Variants in SNTG2 observed in about 807,000 individuals in gnomAD.
SNTG2 encodes gamma-2-syntrophin.
SNTG2 carries 74 observed loss-of-function variants against 70.9 expected under a neutral mutation model. The ratio of observed to expected loss-of-function variants is 1.04; its 90% CI spans 0.86 to 1.27. SNTG2 has a LOEUF of 1.27. SNTG2 is among the 50% of genes most tolerant of loss of function. The pLI is 0.00. For missense variants in SNTG2, 717 were observed against 690.7 expected, an observed-to-expected ratio of 1.04 and a Z score of -0.43; for synonymous variants, 278 against 273.8, an observed-to-expected ratio of 1.02 and a Z score of -0.15.
At chr2:1,067,688 A>G (rs535598860) in intron 1 of SNTG2, among the ~76,000 whole-genome samples, 8 of 152,282 alleles carry the variant, frequency 5.3e-5, no homozygotes, top group South Asian at 4.1e-4. Flanking sequence ...TATCGAACTC[A>G]AAGAGGTAAA....
At chr2:1,134,352 T>A (rs112790724) in intron 4 of SNTG2, among the ~76,000 whole-genome samples, 106 of 151,994 alleles carry the variant, frequency 7.0e-4, no homozygotes, top group African/African-American at 2.5e-3. Context: ...TAGAGCCGAG[T>A]GGTCTGTTTT....
chr2:1,072,934 G>T (rs528313054), intron 1 of SNTG2, among the ~76,000 whole-genome samples: 3 of 152,312 alleles, frequency 2.0e-5, no homozygotes, highest in East Asian at 1.9e-4. Flanking sequence ...TGCAGATGTG[G>T]TAGAAATAGC....
intron 1 of SNTG2, among the ~76,000 whole-genome samples, chr2:992,896 AT>A (rs1192257413): frequency 6.6e-6 from 1 of 152,052 alleles, no homozygotes; most frequent in Non-Finnish European, 1.5e-5. Flanking sequence ...CTATAGTCCA[AT>A]TTAAGAACTC....
At chr2:1,169,390 G>A (rs1188861596) in intron 7 of SNTG2, among the ~76,000 whole-genome samples, 3 of 152,132 alleles carry the variant, frequency 2.0e-5, no homozygotes, top group Non-Finnish European at 4.4e-5. Context: ...GATGGGTGCT[G>A]CGTCTAAGCC....
intron 12 of SNTG2, among the ~76,000 whole-genome samples, chr2:1,253,183 C>T (rs1302004599): frequency 1.3e-5 from 2 of 152,084 alleles, no homozygotes; most frequent in Non-Finnish European, 2.9e-5. Context: ...CACGTGGGGC[C>T]ATGACTCTCG....
chr2:1,115,877 G>T (rs544199269), intron 4 of SNTG2, among the ~76,000 whole-genome samples: 1 of 152,348 alleles, frequency 6.6e-6, no homozygotes, highest in South Asian at 2.1e-4. Context: ...ACAGGATTTT[G>T]GAAATGAATT....
intron 9 of SNTG2, among the ~76,000 whole-genome samples, chr2:1,220,437 T>A (rs1674677797): frequency 6.6e-6 from 1 of 152,200 alleles, no homozygotes; most frequent in African/African-American, 2.4e-5. Context: ...CCTTTGTGGT[T>A]GGACGGCATG....
At chr2:1,197,068 A>G (rs1210508961) in intron 8 of SNTG2, among the ~76,000 whole-genome samples, 3 of 152,192 alleles carry the variant, frequency 2.0e-5, no homozygotes, top group African/African-American at 4.8e-5. Context: ...GATGTACACA[A>G]CAACCAGAAA....
At chr2:1,115,511 G>C (rs112269679) in intron 4 of SNTG2, among the ~76,000 whole-genome samples, 51 of 152,304 alleles carry the variant, frequency 3.3e-4, no homozygotes, top group African/African-American at 1.1e-3. Context: ...ACAGTCCTTT[G>C]AGGAGGATCA....
intron 1 of SNTG2, among the ~76,000 whole-genome samples, chr2:1,082,123 A>T (rs761707987): frequency 6.6e-6 from 1 of 152,066 alleles, no homozygotes; most frequent in African/African-American, 2.4e-5. Flanking sequence ...TCCCTCGGCG[A>T]TGGTCTGTGG....
At chr2:1,263,348 TAAG>T (rs1678548268) in intron 13 of SNTG2, among the ~76,000 whole-genome samples, 4 of 152,216 alleles carry the variant, frequency 2.6e-5, no homozygotes, top group Admixed American at 2.6e-4. Flanking sequence ...GTCCTATTAT[TAAG>T]GTTATATTAA....
intron 14 of SNTG2, among the ~76,000 whole-genome samples, chr2:1,274,133 T>C (rs1163017003): frequency 6.6e-6 from 1 of 152,220 alleles, no homozygotes; most frequent in Non-Finnish European, 1.5e-5. Flanking sequence ...TTTAAAAGAC[T>C]GATGATGCCA....
At chr2:1,351,422 T>C (rs1167082760) in intron 16 of SNTG2, among the ~76,000 whole-genome samples, 2 of 152,178 alleles carry the variant, frequency 1.3e-5, no homozygotes, top group Admixed American at 6.5e-5. Flanking sequence ...TTTAAAAACC[T>C]GAGTCAAAGG....
intron 6 of SNTG2, among the ~76,000 whole-genome samples, chr2:1,140,635 C>T (rs1390423570): frequency 2.0e-5 from 3 of 152,244 alleles, no homozygotes; most frequent in Non-Finnish European, 4.4e-5. Flanking sequence ...AGGGCCACAG[C>T]GAGGCTGGTG....
chr2:1,215,238 G>C (rs1479943466), intron 9 of SNTG2, among the ~76,000 whole-genome samples: 2 of 152,140 alleles, frequency 1.3e-5, no homozygotes, highest in Non-Finnish European at 2.9e-5. Context: ...TTAGGATAAT[G>C]CTGGCCTCAT....
chr2:1,226,998 G>T (rs1675832165), intron 9 of SNTG2, among the ~76,000 whole-genome samples: 1 of 152,208 alleles, frequency 6.6e-6, no homozygotes, highest in African/African-American at 2.4e-5. Flanking sequence ...TTGCTTCCCT[G>T]GACAGAAAGC....
intron 9 of SNTG2, among the ~76,000 whole-genome samples, chr2:1,223,477 T>C (rs982622685): frequency 6.6e-6 from 1 of 152,214 alleles, no homozygotes; most frequent in Non-Finnish European, 1.5e-5. Flanking sequence ...GTCGGATTCC[T>C]CAGTGCATCC....
intron 14 of SNTG2, among the ~76,000 whole-genome samples, chr2:1,293,858 G>A (rs1277843126): frequency 1.3e-5 from 2 of 152,182 alleles, no homozygotes; most frequent in African/African-American, 2.4e-5. Flanking sequence ...GGAGTTAAAA[G>A]GACCAGCTTG....
At chr2:1,143,281 T>A (rs28541331) in intron 6 of SNTG2, among the ~76,000 whole-genome samples, 1 of 151,758 alleles carries the variant, frequency 6.6e-6, no homozygotes, top group Non-Finnish European at 1.5e-5. Flanking sequence ...TCTGTAGTTA[T>A]AAGAAATAAG....
Sources: allele counts gnomAD v4.1 joint callset (sites outside exome capture counted in the v4.1 genomes callset), GRCh38; gene constraint gnomAD v4.1.1; transcripts MANE v1.5; gene names NCBI Gene and HGNC (gene_info 2026-07-23, HGNC 2026-07-21).